The following RECQL4 variants were observed in gnomAD, a reference collection of about 807,000 sequenced individuals.
RECQL4 encodes the protein RecQ like helicase 4.
RECQL4 carries 158 observed loss-of-function variants against 128.6 expected under a neutral mutation model. The ratio of observed to expected loss-of-function variants is 1.23; its 90% CI spans 1.08 to 1.40. The LOEUF (loss-of-function observed/expected upper bound fraction) is 1.40. Among genes scored for constraint, RECQL4 ranks in the 40% most tolerant of loss-of-function variants. The pLI, the probability that RECQL4 is intolerant of heterozygous loss-of-function variation, is 0.00. For missense variants in RECQL4, 2,293 were observed against 1,649.8 expected (o/e 1.39, Z -6.75); for synonymous variants, 996 against 678.9 (o/e 1.47, Z -7.26).
At position 144,512,968 on chromosome 8, in the gene RECQL4, G is replaced by C. The variant is rs769166199; in HGVS notation, c.2634C>G (p.Pro878=). Residue 878 remains proline, a synonymous_variant, in exon 15 of 21, where the codon CCC becomes CCG. Coordinates refer to ENST00000617875, the MANE Select transcript of RECQL4 (RefSeq NM_004260.4). ...GGCTAAGCTGCTCAGCCTCTTGAGG[G>C]GGGTACTTGGGCACAGGCCTCTCCC... ...VGGERPVPKY[P]PQEAEQLSHQ... 16 of 1,570,850 alleles carry C rather than the reference G, an allele frequency of 1.0e-5. No homozygotes were observed. Among genetic ancestry groups the C allele is most frequent in the South Asian group, 8.1e-5 (7 of 85,990 alleles).
intron 9 of RECQL4, 72 bp from the exon 10 acceptor site, chr8:144,514,597 G>C: frequency 6.8e-7 from 1 of 1,465,118 alleles, no homozygotes; most frequent in Non-Finnish European, 9.3e-7. Flanking sequence ...TCCCAGAGCT[G>C]CTGCCATGTC....
chr8:144,511,637 C>CCCCCAG (rs1827218647), intron 20 of RECQL4, 44 bp downstream of exon 20: 1 of 1,605,466 alleles, frequency 6.2e-7, no homozygotes, highest in Non-Finnish European at 8.5e-7. Flanking sequence ...CCTGCCCCAG[C>CCCCCAG]CCCCAGCCCC....
rs1330763105 is a variant in RECQL4 at position 144,515,972 on chromosome 8, C to A, written c.1131+16G>T. On this transcript the variant is annotated intron_variant, in intron 5 of 20. Coordinates refer to ENST00000617875, the MANE Select transcript of RECQL4 (RefSeq NM_004260.4). Reference sequence around the variant, plus strand: ...GAGGGAAAGGGAATGCCTGTCCTGGCCCGTCGCTGTCTTACCTGCTTGCGG... The same window carrying A: ...GAGGGAAAGGGAATGCCTGTCCTGGACCGTCGCTGTCTTACCTGCTTGCGG... 6.2e-7 allele frequency: 1 copy of A among 1,610,762 alleles called. No homozygotes were observed. The highest frequency in any genetic ancestry group is 1.7e-5 in the Admixed American group (1 of 59,938).
At position 144,513,609 on chromosome 8, in the gene RECQL4, C is replaced by T. The variant is rs558451720; in HGVS notation, c.2162G>A (p.Arg721Gln). 5.7e-5 allele frequency: 91 copies of T among 1,605,934 alleles called. No individual in the cohort carries two copies. In the South Asian group the frequency reaches 7.9e-4, roughly 14 times the overall value. ...EDTERIAALLRTCLHAAWVPG... is the reference protein window; with the variant it reads ...EDTERIAALLQTCLHAAWVPG... Reference sequence around the variant, plus strand: ...GACCCAGGCTGCGTGCAGGCAGGTTCGGAGGAGCGCAGCGATCCGCTCTGT... The same window carrying T: ...GACCCAGGCTGCGTGCAGGCAGGTTTGGAGGAGCGCAGCGATCCGCTCTGT... Residue 721 changes from arginine to glutamine, a missense_variant, in exon 13 of 21, where the codon CGA becomes CAA. Coordinates refer to ENST00000617875, the MANE Select transcript of RECQL4 (RefSeq NM_004260.4).
chr8:144,513,654 T>G lies in RECQL4; in HGVS notation c.2117A>C (p.Tyr706Ser). 1 of 1,571,994 alleles carries G rather than the reference T, an allele frequency of 6.4e-7. No individual in the cohort carries two copies. The highest frequency in any genetic ancestry group is 8.6e-7 in the Non-Finnish European group (1 of 1,159,308). Residue 706 changes from tyrosine to serine, a missense_variant, in exon 13 of 21, where the codon TAC becomes TCC. By Grantham distance (144) the Tyr-to-Ser change is moderately radical. Transcript: ENST00000617875. The stretch of plus-strand genomic sequence containing the variant: ...CTCTGTGTCCTCGCGCCGGTTGCAG[T>G]AAATGATAATGGAATCGAGGTTTTG... ...RFQNLDSIII[Y>S]CNRREDTERI...
At position 144,512,722 on chromosome 8, in the gene RECQL4, C is replaced by T. The variant is rs371434213; in HGVS notation, c.2805G>A (p.Leu935=). ...GGGTATAGGTGGTCGCCAGCAGCTC[C>T]AGCCAGTGGTGTGGGTGCAGCTCCA... is the stretch of plus-strand genomic sequence containing the variant. The part of the protein sequence containing the change: ...CYLELHPHHW[L]ELLATTYTHC... The change falls in exon 16 of 21, where the codon CTG becomes CTA. Residue 935 remains leucine, a synonymous_variant. Coordinates refer to ENST00000617875, the MANE Select transcript of RECQL4 (RefSeq NM_004260.4). The T allele has an allele frequency of 8.7e-6, 14 of 1,612,268 alleles. No homozygotes were observed. Among genetic ancestry groups the T allele is most frequent in the Middle Eastern group, 1.6e-4 (1 of 6,082 alleles).
At chr8:144,511,632 C>T (rs747417851) in intron 20 of RECQL4, 49 bp downstream of exon 20, 1 of 1,607,042 alleles carries the variant, frequency 6.2e-7, no homozygotes, top group Admixed American at 1.7e-5. Flanking sequence ...CCTCACCTGC[C>T]CCAGCCCCCA....
chr8:144,515,402 T>C lies in RECQL4; in HGVS notation c.1314A>G (p.Gln438=). 1 of 1,612,628 alleles carries C rather than the reference T, an allele frequency of 6.2e-7. No individual in the cohort carries two copies. Among genetic ancestry groups the C allele is most frequent in the South Asian group, 1.1e-5 (1 of 91,080 alleles). The part of the protein sequence containing the change: ...VGPEPLVPSP[Q]PVPEVPSLDP... ...CCAGGCTGGGCACCTCAGGTACAGG[T>C]TGTGGTGAAGGAACCAGTGGCTCAG... Residue 438 remains glutamine (Q), a synonymous_variant, in exon 7 of 21, where the codon CAA becomes CAG. Coordinates refer to ENST00000617875, the MANE Select transcript of RECQL4 (RefSeq NM_004260.4).
chr8:144,512,677 A>C lies in RECQL4; in HGVS notation c.2850T>G (p.Pro950=). 6.2e-7 allele frequency: 1 copy of C among 1,612,544 alleles called. No individual in the cohort carries two copies. The highest frequency in any genetic ancestry group is 8.5e-7 in the Non-Finnish European group (1 of 1,179,806). The change falls in exon 16 of 21, where the codon CCT becomes CCG. Residue 950 remains proline (P), a synonymous_variant. Coordinates refer to ENST00000617875, the MANE Select transcript of RECQL4 (RefSeq NM_004260.4). ...TTYTHCRLNC[P]GGPAQLQALA... The stretch of plus-strand genomic sequence containing the variant: ...GGGCCTGGAGCTGGGCAGGGCCCCC[A>C]GGGCAGTTCAGACGGCAATGGGTAT...
Position 144,516,213 on chromosome 8 carries a change from A to G in RECQL4, c.906T>C (p.Pro302=), listed in dbSNP as rs747075173. ...AGGGCTGAGGTGGCTGTGCCTGTACAGGTTCCCCTGGAGGGTCTTCCTCAA... is the reference window on the plus strand; with the variant it reads ...AGGGCTGAGGTGGCTGTGCCTGTACGGGTTCCCCTGGAGGGTCTTCCTCAA... ...VAVEEDPPGE[P]VQAQPPQPCS... is the part of the protein sequence containing the mutation. The change falls in exon 5 of 21, where the codon CCT becomes CCC. Residue 302 remains proline (P), a synonymous_variant. Coordinates refer to ENST00000617875, the MANE Select transcript of RECQL4 (RefSeq NM_004260.4). 3 of 1,613,228 alleles carry G rather than the reference A, an allele frequency of 1.9e-6. No individual in the cohort carries two copies. The highest frequency in any genetic ancestry group is 1.3e-5 in the African/African-American group (1 of 75,020).
chr8:144,515,840 A>C lies in RECQL4; in HGVS notation c.1182T>G (p.Gly394=). Residue 394 remains glycine (G), a synonymous_variant, in exon 6 of 21, where the codon GGT becomes GGG. Transcript: ENST00000617875. The part of the protein sequence containing the change: ...RKKGECFGGG[G]ATVTTKESCF... Reference sequence around the variant, plus strand: ...AAGACTCCTTGGTTGTGACTGTGGCACCACCACCCCCAAAACACTCCCCTT... The same window carrying C: ...AAGACTCCTTGGTTGTGACTGTGGCCCCACCACCCCCAAAACACTCCCCTT... 6.2e-7 allele frequency: 1 copy of C among 1,612,728 alleles called. No homozygotes were observed. The highest frequency in any genetic ancestry group is 8.5e-7 in the Non-Finnish European group (1 of 1,179,750).
rs1554903680 is a variant in RECQL4, at chr8:144,516,720, G to A, written c.399C>T (p.Ala133=). 1.3e-6 allele frequency: 2 copies of A among 1,540,480 alleles called. No individual in the cohort carries two copies. The highest frequency in any genetic ancestry group is 1.7e-6 in the Non-Finnish European group (2 of 1,146,256). The change falls in exon 5 of 21, where the codon GCC becomes GCT. Residue 133 remains alanine, a synonymous_variant. Coordinates refer to ENST00000617875, the MANE Select transcript of RECQL4 (RefSeq NM_004260.4). ...GCTTTGGGGTGGATGCCTTAGATGA[G>A]GCTCTTCCTAGAGGCCACGGTCTGC... ...LGRRPWPLGR[A]SSKASTPKPP... is the part of the protein sequence containing the mutation.
rs1172497739 is a variant in RECQL4, at chr8:144,513,144, G to C, written c.2464-6C>G. On this transcript the variant is annotated splice_polypyrimidine_tract_variant and splice_region_variant and intron_variant, in intron 14 of 20. Coordinates refer to ENST00000617875, the MANE Select transcript of RECQL4 (RefSeq NM_004260.4). ...AGCTCTCGCAGGTCTTCGCCCTGCA[G>C]GGCAACTTTCATGAGGGTGGGGTGG... 2.1e-6 allele frequency: 3 copies of C among 1,449,772 alleles called. No individual in the cohort carries two copies. The East Asian group carries it at 8.7e-5, about 42-fold the overall frequency. 89.8% of individuals were successfully genotyped at this position (1,449,772 alleles called of 1,614,324 possible).
In RECQL4 at chr8:144,512,013, G is replaced by A; in HGVS notation, c.3291C>T (p.Ser1097=). 1 of 1,609,310 alleles carries A rather than the reference G, an allele frequency of 6.2e-7. No individual in the cohort carries two copies. The highest frequency in any genetic ancestry group is 1.7e-5 in the Admixed American group (1 of 59,604). The change falls in exon 19 of 21, where the codon AGC becomes AGT. Residue 1097 remains serine (S), a synonymous_variant. Transcript: ENST00000617875. ...GGCCGAGCAGGTCCTTGAGCCTGGT[G>A]CTGCGCTCCTCATCCTGCTGCTCCA... ...PCLEQQDEER[S]TRLKDLLGRY... is the part of the protein sequence containing the mutation.
rs1360427319 is a variant in RECQL4 at position 144,515,885 on chromosome 8, C to T, written c.1137G>A (p.Trp379Ter). ...CCCCTTTCTTCCGCCACTTCTGCTTCCATGCCTGGGGGGTGCCCACATAGG... is the reference window on the plus strand; with the variant it reads ...CCCCTTTCTTCCGCCACTTCTGCTTTCATGCCTGGGGGGTGCCCACATAGG... Reference protein sequence around the residue: ...LRSRLLRKQAWKQKWRKKGEC... With the variant: ...LRSRLLRKQA Residue 379 changes from tryptophan to a stop codon, truncating the protein, a stop_gained, in exon 6 of 21, where the codon TGG (tryptophan) becomes TGA (stop). Coordinates refer to ENST00000617875, the MANE Select transcript of RECQL4 (RefSeq NM_004260.4). LOFTEE classifies it high-confidence loss of function. 1.2e-6 allele frequency: 2 copies of T among 1,612,954 alleles called. No individual in the cohort carries two copies. Among genetic ancestry groups the T allele is most frequent in the Non-Finnish European group, 1.7e-6 (2 of 1,179,826 alleles).
In RECQL4 at chr8:144,514,433, G is replaced by A. The variant is rs35876881; in HGVS notation, c.1704+9C>T. On this transcript the variant is annotated intron_variant, in intron 10 of 20. Transcript: ENST00000617875. ...GCCTCCCTCACCCCTAGGCCCATGAGGCCCCCACCTTCTGCAGGACAGATT... is the reference window on the plus strand; with the variant it reads ...GCCTCCCTCACCCCTAGGCCCATGAAGCCCCCACCTTCTGCAGGACAGATT... 2.5e-3 allele frequency: 4,092 copies of A among 1,610,918 alleles called. 8 individuals are homozygous for A. Among genetic ancestry groups the A allele is most frequent in the African/African-American group, 6.3e-3 (469 of 75,010 alleles).
Position 144,513,997 on chromosome 8 carries a change from G to T in RECQL4, c.1989C>A (p.Asp663Glu). Residue 663 changes from aspartate to glutamate, a missense_variant, in exon 12 of 21, where the codon GAC becomes GAA. Physicochemically the swap from Asp to Glu is conservative, Grantham distance 45. Transcript: ENST00000617875. ...AQHLAVAEEPDLHGPAPVPTN... is the reference protein window; with the variant it reads ...AQHLAVAEEPELHGPAPVPTN... The stretch of plus-strand genomic sequence containing the variant: ...TGGGAACTGGGGCTGGCCCGTGGAG[G>T]TCAGGCTCTTCAGCCACAGCCAGGT... 2 of 1,568,390 alleles carry T rather than the reference G, an allele frequency of 1.3e-6. No individual in the cohort carries two copies. Among genetic ancestry groups the T allele is most frequent in the Non-Finnish European group, 1.7e-6 (2 of 1,157,490 alleles).
rs757280460 is a variant in RECQL4 at position 144,515,038 on chromosome 8, G to A, written c.1518C>T (p.Ala506=). The change falls in exon 9 of 21, where the codon GCC becomes GCT. Residue 506 remains alanine (A), a synonymous_variant. Coordinates refer to ENST00000617875, the MANE Select transcript of RECQL4 (RefSeq NM_004260.4). ...GGAGCTGGTAGCACAGGGACTTGCC[G>A]GCACCTGTAGGCAGCACCAGCAGCG... The part of the protein sequence containing the change: ...ISTLLVLPTG[A]GKSLCYQLPA... 12 of 1,609,538 alleles carry A rather than the reference G, an allele frequency of 7.5e-6. No individual in the cohort carries two copies. Among genetic ancestry groups the A allele is most frequent in the Middle Eastern group, 1.7e-4 (1 of 6,014 alleles).
rs368782236 is a variant in RECQL4, at chr8:144,516,772, G to C, written c.355-8C>G. 1 of 1,517,720 alleles carries C rather than the reference G, an allele frequency of 6.6e-7. No individual in the cohort carries two copies. The highest frequency in any genetic ancestry group is 1.3e-5 in the South Asian group (1 of 74,386). The allele number at this position is 1,517,720 out of a possible 1,614,324, so 94.0% of individuals were successfully genotyped here. A position where few individuals can be genotyped will look rare whatever the true frequency, so the allele number is the denominator to read the frequency against. The stretch of plus-strand genomic sequence containing the variant: ...GCCCAGGGCTGGTCCGGCCTGGGAG[G>C]GGAACAACAGAACAGCAGGAGGAAC... On this transcript the variant is annotated splice_polypyrimidine_tract_variant and splice_region_variant and intron_variant, in intron 4 of 20. Coordinates refer to ENST00000617875, the MANE Select transcript of RECQL4 (RefSeq NM_004260.4).
Sources: gnomAD v4.1 joint callset for allele counts on GRCh38, gnomAD v4.1.1 for gene constraint, MANE v1.5 for transcripts, NCBI Gene and HGNC (gene_info 2026-07-23, HGNC 2026-07-21) for gene names.